Variants in KLF12 observed in about 807,000 individuals in gnomAD.
KLF12 encodes the protein Krueppel-like factor 12.
A neutral mutation model predicts 37.8 loss-of-function variants in KLF12; 9 were observed. The ratio of observed to expected loss-of-function variants is 0.24; its 90% CI spans 0.14 to 0.42. The LOEUF (loss-of-function observed/expected upper bound fraction) is 0.42, where lower values mean the gene tolerates loss of function less well. Ranked by LOEUF, KLF12 falls within the 10% of genes least tolerant of loss-of-function variation. The pLI is 1.00. For synonymous variants in KLF12, 208 were observed against 202.1 expected, an observed-to-expected ratio of 1.03 and a Z score of -0.25; for missense variants, 411 against 516.0, an observed-to-expected ratio of 0.80 and a Z score of 1.97.
At chr13:73,791,251 C>T (rs959255192) in intron 5 of KLF12, among the ~76,000 whole-genome samples, 2 of 152,172 alleles carry the variant, frequency 1.3e-5, no homozygotes, top group Middle Eastern at 3.4e-3. Flanking sequence ...ATTCATGTGC[C>T]TATTCATATG....
intron 1 of KLF12, among the ~76,000 whole-genome samples, chr13:74,125,004 G>A (rs1341951633): frequency 6.6e-6 from 1 of 151,976 alleles, no homozygotes; most frequent in Non-Finnish European, 1.5e-5. Context: ...AAATCAGCTG[G>A]TCATGGTGGC....
chr13:73,733,490 C>T (rs1314769755), intron 6 of KLF12, among the ~76,000 whole-genome samples: 1 of 152,054 alleles, frequency 6.6e-6, no homozygotes, highest in Non-Finnish European at 1.5e-5. Flanking sequence ...ATCAGAATTT[C>T]ATTGCTTTCT....
At chr13:74,194,458 G>T in the KLF12 span, among the ~76,000 whole-genome samples, 19 of 152,256 alleles carry the variant, frequency 1.2e-4, no homozygotes, top group East Asian at 2.7e-3. Context: ...ATCTGGTAAG[G>T]GTTGCATCCT....
chr13:73,991,846 C>T (rs897154449), intron 2 of KLF12, among the ~76,000 whole-genome samples: 1 of 152,200 alleles, frequency 6.6e-6, no homozygotes, highest in Non-Finnish European at 1.5e-5. Context: ...ATCCCTCTAT[C>T]CTGTGCGAAG....
rs1299669659 is a variant in KLF12, at chr13:73,694,063, C to T, written c.*1427G>A. The T allele has an allele frequency of 6.6e-6, 1 of 152,562 alleles. No individual in the cohort carries two copies. Among genetic ancestry groups the T allele is most frequent in the Non-Finnish European group, 1.5e-5 (1 of 68,030 alleles). 9.5% of individuals were successfully genotyped at this position (152,562 alleles called of 1,614,324 possible). A position where few individuals can be genotyped will look rare whatever the true frequency, so the allele number is the denominator to read the frequency against. On this transcript the variant is annotated 3_prime_UTR_variant, in exon 8 of 8. Coordinates refer to ENST00000377669, the MANE Select transcript of KLF12 (RefSeq NM_007249.5). ...GATGCCAATGCAGGACACCTGGGTC[C>T]TGATACAGTTTAGAAAATGAAATCG...
At chr13:74,239,272 G>A in the KLF12 span, among the ~76,000 whole-genome samples, 7 of 152,074 alleles carry the variant, frequency 4.6e-5, no homozygotes, top group South Asian at 1.5e-3. Context: ...TCTTAATCCT[G>A]AGTCCTAGTT....
chr13:74,009,499 G>C (rs1892494748), intron 1 of KLF12, among the ~76,000 whole-genome samples: 1 of 152,108 alleles, frequency 6.6e-6, no homozygotes, highest in African/African-American at 2.4e-5. Flanking sequence ...ATGCCATTTT[G>C]CCTCTCCCTG....
At chr13:74,079,350 G>A (rs1207063959) in intron 1 of KLF12, among the ~76,000 whole-genome samples, 1 of 152,150 alleles carries the variant, frequency 6.6e-6, no homozygotes, top group Non-Finnish European at 1.5e-5. Context: ...CTAGTGAATT[G>A]TACGCTGGAA....
intron 1 of KLF12, among the ~76,000 whole-genome samples, chr13:74,067,964 C>T (rs771209159): frequency 1.3e-5 from 2 of 152,172 alleles, no homozygotes; most frequent in East Asian, 1.9e-4. Context: ...AACCAACTTC[C>T]GCTTAACCAA....
intron 1 of KLF12, among the ~76,000 whole-genome samples, chr13:74,071,599 A>G (rs1173574121): frequency 6.6e-6 from 1 of 152,296 alleles, no homozygotes; most frequent in East Asian, 1.9e-4. Flanking sequence ...AGGCTGAGGC[A>G]GGAGAATGGC....
chr13:73,783,260 T>G (rs555885385), intron 5 of KLF12, among the ~76,000 whole-genome samples: 1 of 152,214 alleles, frequency 6.6e-6, no homozygotes, highest in African/African-American at 2.4e-5. Flanking sequence ...CACTCATATG[T>G]GGGAGTTAAA....
chr13:74,083,951 G>C (rs542187763), intron 1 of KLF12, among the ~76,000 whole-genome samples: 1 of 152,316 alleles, frequency 6.6e-6, no homozygotes, highest in South Asian at 2.1e-4. Context: ...TATTAGAAGA[G>C]AGAATACAGT....
chr13:74,124,458 C>T (rs762655653), intron 1 of KLF12, among the ~76,000 whole-genome samples: 74 of 151,968 alleles, frequency 4.9e-4, no homozygotes, highest in Non-Finnish European at 1.0e-3. Context: ...CTAAATATTC[C>T]CATTATTTAA....
chr13:74,177,664 C>T, the KLF12 span, among the ~76,000 whole-genome samples: 1 of 151,954 alleles, frequency 6.6e-6, no homozygotes, highest in Non-Finnish European at 1.5e-5. Context: ...ATGAAGAAGC[C>T]TGAAAGTAAA....
At chr13:73,882,557 C>A (rs1204273201) in intron 3 of KLF12, among the ~76,000 whole-genome samples, 1 of 152,132 alleles carries the variant, frequency 6.6e-6, no homozygotes, top group Non-Finnish European at 1.5e-5. Context: ...CAAAAACAGG[C>A]TGCATGAGAA....
At chr13:73,741,902 G>GA (rs1204278351) in intron 6 of KLF12, among the ~76,000 whole-genome samples, 1 of 152,192 alleles carries the variant, frequency 6.6e-6, no homozygotes, top group African/African-American at 2.4e-5. Context: ...AAGCTCGGGG[G>GA]ATGCAGTCAT....
chr13:73,979,713 A>G (rs1891640177), intron 2 of KLF12, among the ~76,000 whole-genome samples: 1 of 152,218 alleles, frequency 6.6e-6, no homozygotes, highest in African/African-American at 2.4e-5. Context: ...GCGAGGTTAA[A>G]CATATAATAG....
At chr13:74,018,861 G>A (rs940571674) in intron 1 of KLF12, among the ~76,000 whole-genome samples, 5 of 152,028 alleles carry the variant, frequency 3.3e-5, no homozygotes, top group African/African-American at 9.7e-5. Context: ...ACTCCATAAC[G>A]TTCAAATATT....
At chr13:74,149,639 A>G in the KLF12 span, among the ~76,000 whole-genome samples, 36 of 152,128 alleles carry the variant, frequency 2.4e-4, no homozygotes, top group Non-Finnish European at 4.7e-4. Context: ...TCAGGGTACT[A>G]TCCAGAGGGA....
Sources: gnomAD v4.1 joint callset for allele counts (sites outside exome capture counted in the v4.1 genomes callset) on GRCh38, gnomAD v4.1.1 for gene constraint, MANE v1.5 for transcripts, NCBI Gene and HGNC (gene_info 2026-07-23, HGNC 2026-07-21) for gene names.